Variants in CARS2 observed in about 807,000 individuals in gnomAD.
CARS2 encodes cysteinyl-tRNA synthetase 2, mitochondrial, also known as probable cysteine--tRNA ligase, mitochondrial.
In CARS2, 52 loss-of-function variants were observed where a neutral mutation model predicts 68.8. The observed-to-expected ratio is 0.76, with a 90% CI of 0.61 to 0.95. CARS2 has a LOEUF of 0.95. CARS2 is among the 40% of genes least tolerant of loss of function. The pLI, the probability that CARS2 is intolerant of heterozygous loss-of-function variation, is 0.00. For missense variants in CARS2, 780 were observed against 754.2 expected, an observed-to-expected ratio of 1.03 and a Z score of -0.40; for synonymous variants, 314 against 303.6, an observed-to-expected ratio of 1.03 and a Z score of -0.36.
At chr13:110,645,248 C>T (rs555293971) in intron 12 of CARS2, 1 of 152,604 alleles carries the variant, frequency 6.6e-6, no homozygotes, top group East Asian at 1.9e-4. Context: ...GGGCACATGG[C>T]ACCCTGCCCC....
intron 3 of CARS2, among the ~76,000 whole-genome samples, chr13:110,692,023 T>TATATAC (rs1304954360): frequency 1.5e-5 from 1 of 66,112 alleles, no homozygotes; most frequent in African/African-American, 4.3e-5. Flanking sequence ...TATATATATA[T>TATATAC]ACACACACAC....
chr13:110,667,309 C>G (rs900440113), intron 8 of CARS2, 31 bp downstream of exon 8: 1 of 1,585,150 alleles, frequency 6.3e-7, no homozygotes, highest in African/African-American at 1.4e-5. Flanking sequence ...AGAATTGAAA[C>G]AGAACAAATT....
At chr13:110,698,520 C>CAA (rs879665768) in intron 3 of CARS2, among the ~76,000 whole-genome samples, 6 of 138,338 alleles carry the variant, frequency 4.3e-5, no homozygotes, top group African/African-American at 1.6e-4. Context: ...AATTCTGTCT[C>CAA]AAAAAAAAAA....
intron 9 of CARS2, chr13:110,663,150 G>A (rs1594282145): frequency 1.9e-6 from 1 of 540,272 alleles, no homozygotes; most frequent in South Asian, 1.6e-5. Flanking sequence ...GCACCAAGAG[G>A]GAGACAACAA....
intron 9 of CARS2, among the ~76,000 whole-genome samples, chr13:110,661,105 A>G (rs1367743697): frequency 1.3e-5 from 2 of 152,170 alleles, no homozygotes; most frequent in East Asian, 1.9e-4. Flanking sequence ...TGAATTGTCA[A>G]TGAGCGCTGG....
intron 8 of CARS2, chr13:110,667,002 G>A (rs1445276775): frequency 4.2e-6 from 4 of 941,958 alleles, no homozygotes; most frequent in African/African-American, 1.8e-5. Context: ...GAGATGTCTA[G>A]TGACAACATT....
chr13:110,664,229 G>A (rs557691830), intron 8 of CARS2: 18 of 983,544 alleles, frequency 1.8e-5, no homozygotes, highest in South Asian at 4.7e-5. Flanking sequence ...CCTCCAGGCC[G>A]GACGCAGTGG....
rs200826696 is a variant in CARS2, at chr13:110,647,223, G to C, written c.1071C>G (p.Asp357Glu). ...GCTGCTGAGCTTGGAGCATGGCGCT[G>C]TCACTGTAGTCGATGGCTGAGGAGG... The part of the protein sequence containing the change: ...SSYRSAIDYS[D>E]SAMLQAQQLL... The change falls in exon 11 of 15, where the codon GAC becomes GAG. Residue 357 changes from aspartate (D) to glutamate (E), a missense_variant. Asp to Glu is a conservative substitution (Grantham distance 45, BLOSUM62 2). Coordinates refer to ENST00000257347, the MANE Select transcript of CARS2 (RefSeq NM_024537.4). The C allele has an allele frequency of 1.2e-6, 2 of 1,613,002 alleles. No homozygotes were observed. Among genetic ancestry groups the C allele is most frequent in the East Asian group, 4.5e-5 (2 of 44,880 alleles).
At chr13:110,663,577 G>A (rs1198573421) in intron 8 of CARS2, 59 bp from the exon 9 acceptor site, 2 of 1,594,656 alleles carry the variant, frequency 1.3e-6, no homozygotes, top group African/African-American at 2.7e-5. Context: ...CTGGCCTCAG[G>A]GACACATGGC....
At chr13:110,686,998 C>T (rs981928326) in intron 5 of CARS2, among the ~76,000 whole-genome samples, 2 of 152,132 alleles carry the variant, frequency 1.3e-5, no homozygotes, top group South Asian at 4.1e-4. Flanking sequence ...TGTGAAAAAA[C>T]GATAGCCAAA....
intron 9 of CARS2, among the ~76,000 whole-genome samples, chr13:110,655,100 C>A (rs1431331762): frequency 2.0e-5 from 3 of 152,106 alleles, no homozygotes; most frequent in African/African-American, 7.2e-5. Flanking sequence ...CCAAAACATT[C>A]CGAATGTGCC....
rs186944236 is a variant in CARS2, at chr13:110,694,136, T to C, written c.394-6118A>G. Among the ~76,000 whole-genome samples, 690 of 152,056 alleles carry C rather than the reference T, an allele frequency of 4.5e-3. 7 individuals carry two copies. The highest frequency in any genetic ancestry group is 0.017 in the South Asian group (82 of 4,812). ...TCTGCCTCCCAGGTTTAAGTGATTT[T>C]CTTGCCTCAGCTCCTGAGTAGCTGG... is the stretch of plus-strand genomic sequence containing the variant. On this transcript the variant is annotated intron_variant, in intron 3 of 14. Coordinates refer to ENST00000257347, the MANE Select transcript of CARS2 (RefSeq NM_024537.4).
chr13:110,704,411 G>C (rs531150235), intron 2 of CARS2, among the ~76,000 whole-genome samples: 1 of 152,190 alleles, frequency 6.6e-6, no homozygotes, highest in African/African-American at 2.4e-5. Flanking sequence ...AAAGTAAAGG[G>C]GAAAAATGTA....
intron 9 of CARS2, among the ~76,000 whole-genome samples, chr13:110,654,886 GCACCAGGT>G (rs1350170479): frequency 7.4e-6 from 1 of 134,878 alleles, no homozygotes; most frequent in Non-Finnish European, 1.5e-5. Context: ...AGGTGCCACT[GCACCAGGT>G]ACCCAGGTGA....
rs75255246 is a variant in CARS2, at chr13:110,684,617, C to T, written c.572-1483G>A. On this transcript the variant is annotated intron_variant, in intron 5 of 14. Coordinates refer to ENST00000257347, the MANE Select transcript of CARS2 (RefSeq NM_024537.4). Reference sequence around the variant, plus strand: ...TGTGCTCAGAAAACCCTGCCCTGTCCCTGCAGCGTCCTCTCTGGTCATTCA... The same window carrying T: ...TGTGCTCAGAAAACCCTGCCCTGTCTCTGCAGCGTCCTCTCTGGTCATTCA... Among the ~76,000 whole-genome samples the T allele has an allele frequency of 5.3e-3, 805 of 151,452 alleles. 18 individuals carry two copies. In the South Asian group the frequency reaches 0.063, roughly 12 times the overall value.
chr13:110,642,326 T>A lies in CARS2; in HGVS notation c.1612A>T (p.Ile538Phe), dbSNP rs1887458364. 3 of 1,550,016 alleles carry A rather than the reference T, an allele frequency of 1.9e-6. No individual in the cohort carries two copies. Among genetic ancestry groups the A allele is most frequent in the Non-Finnish European group, 2.6e-6 (3 of 1,146,500 alleles). The part of the protein sequence containing the change: ...TLRRGLTAHG[I>F]NIKDRSSTTS... Reference sequence around the variant, plus strand: ...GGTGCGGCACTCACCTTGATGTTGATGCCGTGGGCAGTCAGGCCCCGGCGC... The same window carrying A: ...GGTGCGGCACTCACCTTGATGTTGAAGCCGTGGGCAGTCAGGCCCCGGCGC... Residue 538 changes from isoleucine to phenylalanine, a missense_variant, in exon 14 of 15, where the codon ATC becomes TTC. Transcript: ENST00000257347.
chr13:110,713,289 T>C, exon 1 of CARS2: 1 of 1,279,170 alleles, frequency 7.8e-7, no homozygotes, highest in Non-Finnish European at 9.9e-7. Context: ...CGAGTTGCGG[T>C]AGTTGCTGTG....
chr13:110,645,723 T>G lies in CARS2; in HGVS notation c.1317+244A>C, dbSNP rs4773232. 0.14 allele frequency: 61,657 copies of G among 451,614 alleles called. 5,059 individuals are homozygous for G. Among genetic ancestry groups the G allele is most frequent in the Admixed American group, 0.27 (6,606 of 24,092 alleles). 28.0% of individuals were successfully genotyped at this position (451,614 alleles called of 1,614,324 possible). On this transcript the variant is annotated intron_variant, in intron 12 of 14. Coordinates refer to ENST00000257347, the MANE Select transcript of CARS2 (RefSeq NM_024537.4). The stretch of plus-strand genomic sequence containing the variant: ...CTGAGGATCAAGCACACAGAATTTC[T>G]CAGCCTCAGGGGCTCCTGAGAGCTT...
At chr13:110,713,244 T>G in exon 1 of CARS2, 5 of 1,349,490 alleles carry the variant, frequency 3.7e-6, no homozygotes, top group East Asian at 5.6e-5. Context: ...TATACTGCTC[T>G]GTGGGGCGGG....
Sources: allele counts gnomAD v4.1 joint callset (sites outside exome capture counted in the v4.1 genomes callset), GRCh38; gene constraint gnomAD v4.1.1; transcripts MANE v1.5; gene names NCBI Gene and HGNC (gene_info 2026-07-23, HGNC 2026-07-21).